Variants in JAK3 observed in about 807,000 individuals in gnomAD.
The protein encoded by JAK3 is Janus kinase 3, also known as tyrosine-protein kinase JAK3.
A neutral mutation model predicts 120.8 loss-of-function variants in JAK3; 88 were observed. That is an observed-to-expected ratio of 0.73 (90% CI 0.61 to 0.87). The LOEUF is 0.87. Ranked by LOEUF, JAK3 falls within the 40% of genes least tolerant of loss-of-function variation. JAK3 has a pLI of 0.00. For missense variants in JAK3, 1,254 were observed against 1,501.4 expected (o/e 0.84, Z 2.72); for synonymous variants, 592 against 628.6 (o/e 0.94, Z 0.87).
In JAK3 at chr19:17,841,653, T is replaced by C. The variant is rs1291046706; in HGVS notation, c.971A>G (p.Asp324Gly). Residue 324 changes from aspartate to glycine, a missense_variant, in exon 7 of 24, where the codon GAC becomes GGC. By Grantham distance (94) the Asp-to-Gly change is moderately conservative (BLOSUM62 -1). Transcript: ENST00000458235. This position sits in a 1 kb window ranked among gnomAD's most constrained non-coding sequence, Gnocchi z 4.1. ...TCCTGCACCCACTAAAATCTGGTTG[T>C]CTGTCCTGGTAACAGTGACCAGGCG... The part of the protein sequence containing the change: ...EHRLVTVTRT[D>G]NQILEAEFPG... 2.5e-6 allele frequency: 4 copies of C among 1,613,840 alleles called. No individual in the cohort carries two copies. In the East Asian group the frequency reaches 6.7e-5, roughly 27 times the overall value.
In JAK3 at chr19:17,841,831, C is replaced by G; in HGVS notation, c.862-69G>C. On this transcript the variant is annotated intron_variant, in intron 6 of 23. Transcript: ENST00000458235. This position sits in a 1 kb window ranked among gnomAD's most constrained non-coding sequence, Gnocchi z 4.1. ...CCGCCAAACCACGCCCATGAACCCA[C>G]CCCCAAGCCACACCATCCACTCCCT... 6.3e-7 allele frequency: 1 copy of G among 1,590,776 alleles called. No homozygotes were observed. Among genetic ancestry groups the G allele is most frequent in the Non-Finnish European group, 8.5e-7 (1 of 1,175,428 alleles).
In JAK3 at chr19:17,842,357, C is replaced by T. The variant is rs2094241772; in HGVS notation, c.820G>A (p.Ala274Thr). The change falls in exon 6 of 24, where the codon GCT becomes ACT. Residue 274 changes from alanine to threonine, a missense_variant. Physicochemically the swap from Ala to Thr is moderately conservative, Grantham distance 58. This residue lies in a region of JAK3 where 486 missense variants were observed against 503.0 expected (regional missense o/e 0.97). Transcript: ENST00000458235. The surrounding 1 kb of genome is among the most constrained non-coding windows in gnomAD (Gnocchi z 6.4). ...GTCCAGGCGATGCCGCCGTCACCAG[C>T]CACGCGGAGCAGCCCCAGCCCGTCG... ...GHDGLGLLRV[A>T]GDGGIAWTQG... 1 of 1,590,440 alleles carries T rather than the reference C, an allele frequency of 6.3e-7. No homozygotes were observed. Among genetic ancestry groups the T allele is most frequent in the African/African-American group, 1.3e-5 (1 of 74,690 alleles).
At position 17,826,733 on chromosome 19, in the gene JAK3, C is replaced by T. The variant is rs200121857; in HGVS notation, c.*10G>A. 8.5e-5 allele frequency: 137 copies of T among 1,613,922 alleles called. No homozygotes were observed. Among genetic ancestry groups the T allele is most frequent in the Admixed American group, 7.0e-4 (42 of 60,022 alleles). ...AACAGAGACCTAATCCAGAGGTCTG[C>T]GGGCAGGAGCTATGAAAAGGACAGG... On this transcript the variant is annotated 3_prime_UTR_variant, in exon 24 of 24. Coordinates refer to ENST00000458235, the MANE Select transcript of JAK3 (RefSeq NM_000215.4).
chr19:17,835,250 G>C, intron 14 of JAK3, 35 bp from the exon 15 acceptor site: 1 of 1,608,432 alleles, frequency 6.2e-7, no homozygotes, highest in South Asian at 1.1e-5. Flanking sequence ...TGCCCGGGAG[G>C]GTTTGATGAA....
chr19:17,826,258 ACCTGTAATC>A lies in JAK3; in HGVS notation c.*476_*484del. 1 of 176,262 alleles carries A rather than the reference ACCTGTAATC, an allele frequency of 5.7e-6. No homozygotes were observed. Among genetic ancestry groups the A allele is most frequent in the Non-Finnish European group, 1.2e-5 (1 of 81,676 alleles). The allele number at this position is 176,262 out of a possible 1,614,324, so 10.9% of individuals were successfully genotyped here. The stretch of plus-strand genomic sequence containing the variant: ...AAATTAGCCGGGTGTGGTGGTGCAC[ACCTGTAATC>A]CCAGCTACTCGGGAGGCTGAGGCAG... On this transcript the variant is annotated 3_prime_UTR_variant, in exon 24 of 24. Coordinates refer to ENST00000458235, the MANE Select transcript of JAK3 (RefSeq NM_000215.4).
chr19:17,825,230 T>A lies in JAK3; in HGVS notation c.*1513A>T, dbSNP rs1166414725. The A allele has an allele frequency of 4.4e-6, 1 of 229,424 alleles. No individual in the cohort carries two copies. Among genetic ancestry groups the A allele is most frequent in the Admixed American group, 5.7e-5 (1 of 17,640 alleles). 14.2% of individuals were successfully genotyped at this position (229,424 alleles called of 1,614,324 possible). A position where few individuals can be genotyped will look rare whatever the true frequency, so the allele number is the denominator to read the frequency against. Reference sequence around the variant, plus strand: ...ACACTGCATGGAAGGGGCAAAACTGTAGGCTCCAATACTTGGGCTCTTAAC... The same window carrying A: ...ACACTGCATGGAAGGGGCAAAACTGAAGGCTCCAATACTTGGGCTCTTAAC... On this transcript the variant is annotated 3_prime_UTR_variant, in exon 24 of 24. Coordinates refer to ENST00000458235, the MANE Select transcript of JAK3 (RefSeq NM_000215.4).
At chr19:17,844,545 TCA>T in intron 1 of JAK3, 115 bp from the exon 2 acceptor site, 1 of 898,072 alleles carries the variant, frequency 1.1e-6, no homozygotes, top group South Asian at 1.7e-5. Context: ...ATGCCTGTAA[TCA>T]CAGCATTTTG....
chr19:17,838,712 ATTTTTTTTT>A (rs35486965), intron 10 of JAK3, among the ~76,000 whole-genome samples: 2 of 99,336 alleles, frequency 2.0e-5, no homozygotes, highest in African/African-American at 3.7e-5. Flanking sequence ...TGCCCGGCTA[ATTTTTTTTT>A]TTTTTTTTTT....
In JAK3 at chr19:17,844,357, T is replaced by C; in HGVS notation, c.61A>G (p.Thr21Ala). Residue 21 changes from threonine to alanine, a missense_variant, in exon 2 of 24, where the codon ACG becomes GCG. Transcript: ENST00000458235. ...IPQRSCSLLS[T>A]EAGALHVLLP... ...AGCACATGCAGGGCACCAGCCTCCG[T>C]GGACAAGAGGCTGCATGAACGCTGA... The C allele has an allele frequency of 6.2e-7, 1 of 1,612,222 alleles. No homozygotes were observed. Among genetic ancestry groups the C allele is most frequent in the Non-Finnish European group, 8.5e-7 (1 of 1,179,740 alleles).
intron 9 of JAK3, among the ~76,000 whole-genome samples, 177 bp downstream of exon 9, chr19:17,840,053 T>TA (rs1316279455): frequency 6.6e-6 from 1 of 152,206 alleles, no homozygotes; most frequent in Non-Finnish European, 1.5e-5. Flanking sequence ...TCCTTTCTCC[T>TA]AAAGCACCAT....
At position 17,847,947 on chromosome 19, in the gene JAK3, T is replaced by C; in HGVS notation, c.-15A>G. The C allele has an allele frequency of 9.7e-7, 1 of 1,027,436 alleles. No individual in the cohort carries two copies. Among genetic ancestry groups the C allele is most frequent in the Non-Finnish European group, 1.2e-6 (1 of 853,900 alleles). 63.6% of individuals were successfully genotyped at this position (1,027,436 alleles called of 1,614,324 possible). A position where few individuals can be genotyped will look rare whatever the true frequency, so the allele number is the denominator to read the frequency against. On this transcript the variant is annotated splice_region_variant and 5_prime_UTR_variant, in exon 1 of 24. Coordinates refer to ENST00000458235, the MANE Select transcript of JAK3 (RefSeq NM_000215.4). ...CCCTGCGGCATCGCCAGCTCTTACC[T>C]AGCGGGCAGGGACCCTGGACTTTCG...
In JAK3 at chr19:17,835,185, A is replaced by G; in HGVS notation, c.1945T>C (p.Ser649Pro). Residue 649 changes from serine (S) to proline (P), a missense_variant, in exon 15 of 24, where the codon TCT becomes CCT. Coordinates refer to ENST00000458235, the MANE Select transcript of JAK3 (RefSeq NM_000215.4). ...CGAGCCAGGAGCACCTTCCGGGCAG[A>G]GACATTGCCATGGGGCAGGCCTTTG... Reference protein sequence around the residue: ...EDKGLPHGNVSARKVLLAREG... With the variant: ...EDKGLPHGNVPARKVLLAREG... 6.2e-7 allele frequency: 1 copy of G among 1,614,220 alleles called. No individual in the cohort carries two copies. The highest frequency in any genetic ancestry group is 8.5e-7 in the Non-Finnish European group (1 of 1,180,042).
Position 17,843,179 on chromosome 19 carries a change from G to A in JAK3, c.421-7C>T, listed in dbSNP as rs200101939. The A allele has an allele frequency of 6.2e-6, 10 of 1,601,118 alleles. No homozygotes were observed. Among genetic ancestry groups the A allele is most frequent in the Non-Finnish European group, 8.5e-6 (10 of 1,177,028 alleles). On this transcript the variant is annotated splice_region_variant and splice_polypyrimidine_tract_variant and intron_variant, in intron 4 of 23. Transcript: ENST00000458235. The surrounding 1 kb of genome is among the most constrained non-coding windows in gnomAD (Gnocchi z 5.4). ...TCACCAGGTCACTGCGGTGCTGGGG[G>A]GCCGCCACAGGGAGCATCAGCTGAG... is the stretch of plus-strand genomic sequence containing the variant.
Position 17,843,861 on chromosome 19 carries a change from G to C in JAK3, c.224C>G (p.Thr75Arg). 1 of 1,613,624 alleles carries C rather than the reference G, an allele frequency of 6.2e-7. No homozygotes were observed. Among genetic ancestry groups the C allele is most frequent in the South Asian group, 1.1e-5 (1 of 91,082 alleles). Residue 75 changes from threonine to arginine, a missense_variant, in exon 3 of 24, where the codon ACG (threonine) becomes AGG (arginine). Thr to Arg is a moderately conservative substitution (Grantham distance 71). This residue lies in a region of JAK3 where 138 missense variants were observed against 178.7 expected (regional missense o/e 0.77). Coordinates refer to ENST00000458235, the MANE Select transcript of JAK3 (RefSeq NM_000215.4). This position sits in a 1 kb window ranked among gnomAD's most constrained non-coding sequence, Gnocchi z 5.4. Reference protein sequence around the residue: ...PVYHSLFALATEDLSCWFPPS... With the variant: ...PVYHSLFALAREDLSCWFPPS... ...GGGGAACCAGCAGGACAGGTCCTCC[G>C]TGGCCAGAGCAAAGAGGGAGTGGTA...
At position 17,843,135 on chromosome 19, in the gene JAK3, C is replaced by G. The variant is rs775760843; in HGVS notation, c.458G>C (p.Gly153Ala). The G allele has an allele frequency of 6.2e-7, 1 of 1,608,682 alleles. No homozygotes were observed. The highest frequency in any genetic ancestry group is 2.2e-5 in the East Asian group (1 of 44,872). The change falls in exon 5 of 24, where the codon GGC (glycine) becomes GCC (alanine). Residue 153 changes from glycine (G) to alanine (A), a missense_variant. By Grantham distance (60) the Gly-to-Ala change is moderately conservative (BLOSUM62 0). This residue lies in a region of JAK3 where 486 missense variants were observed against 503.0 expected (regional missense o/e 0.97). Transcript: ENST00000458235. The surrounding 1 kb of genome is among the most constrained non-coding windows in gnomAD (Gnocchi z 5.4). ...CTCACCCTGCTCCTTGAGACTGAGG[C>G]CCACGGGGAGGCGCCCACTCACCAG... ...SDLVSGRLPV[G>A]LSLKEQGECL...
intron 10 of JAK3, among the ~76,000 whole-genome samples, chr19:17,838,648 C>A (rs184155927): frequency 6.6e-6 from 1 of 151,518 alleles, no homozygotes; most frequent in African/African-American, 2.4e-5. Context: ...CAGGTTCAAG[C>A]GATTTTCCTG....
intron 8 of JAK3, among the ~76,000 whole-genome samples, chr19:17,840,920 T>C (rs984654568): frequency 6.6e-6 from 1 of 152,022 alleles, no homozygotes; most frequent in Non-Finnish European, 1.5e-5. Flanking sequence ...TGGGCTCAAG[T>C]GATCCTCCTG....
chr19:17,837,780 A>C, intron 12 of JAK3, 152 bp downstream of exon 12: 2 of 1,214,020 alleles, frequency 1.6e-6, no homozygotes, highest in East Asian at 2.4e-5. Context: ...TCCTGGCTTC[A>C]AACCATCCTC....
At chr19:17,840,584 A>G (rs2094235839) in intron 8 of JAK3, among the ~76,000 whole-genome samples, 1 of 152,002 alleles carries the variant, frequency 6.6e-6, no homozygotes. Flanking sequence ...TAACACCGTG[A>G]AACCCCGTCG....
Sources: gnomAD v4.1 joint callset for allele counts (sites outside exome capture counted in the v4.1 genomes callset) on GRCh38, gnomAD v4.1.1 for gene constraint, gnomAD v4.1.1 regional missense constraint, Gnocchi (gnomAD v3.1) non-coding constraint, MANE v1.5 for transcripts, NCBI Gene and HGNC (gene_info 2026-07-23, HGNC 2026-07-21) for gene names.